The following PTPN23 variants were observed in gnomAD, a reference collection of about 807,000 sequenced individuals.
PTPN23 encodes protein tyrosine phosphatase non-receptor type 23.
A neutral mutation model predicts 156.3 loss-of-function variants in PTPN23; 72 were observed. The ratio of observed to expected loss-of-function variants is 0.46; its 90% confidence interval spans 0.38 to 0.56. The LOEUF (loss-of-function observed/expected upper bound fraction) is 0.56. Ranked by LOEUF, PTPN23 falls within the 20% of genes least tolerant of loss-of-function variation. PTPN23 has a pLI of 0.00. For synonymous variants in PTPN23, 957 were observed against 899.6 expected, an observed-to-expected ratio of 1.06 and a Z score of -1.14; for missense variants, 1,974 against 2,171.5, an observed-to-expected ratio of 0.91 and a Z score of 1.81.
intron 2 of PTPN23, among the ~76,000 whole-genome samples, chr3:47,398,412 T>A (rs942373742): frequency 2.0e-5 from 3 of 151,956 alleles, no homozygotes; most frequent in African/African-American, 7.3e-5. Context: ...AAAGAAAAAA[T>A]TCTTGAAGGA....
At chr3:47,383,047 T>A (rs960508596) in intron 1 of PTPN23, among the ~76,000 whole-genome samples, 2 of 152,190 alleles carry the variant, frequency 1.3e-5, no homozygotes, top group Admixed American at 1.3e-4. Context: ...AGACGGAGTC[T>A]TGGAATAGAG....
chr3:47,410,153 CTA>C lies in PTPN23; in HGVS notation c.2357_2358del (p.Tyr786SerfsTer100). 1 of 1,593,408 alleles carries C rather than the reference CTA, an allele frequency of 6.3e-7. No homozygotes were observed. Among genetic ancestry groups the C allele is most frequent in the Non-Finnish European group, 8.6e-7 (1 of 1,168,592 alleles). Reference protein sequence around the residue: ...FPSSTGPGPHYLSGPLPPGTY... With the variant: ...FPSSTGPGPHXLSGPLPPGTY... ...CCAGCTCCACAGGCCCAGGACCCCA[CTA>C]TCTCTCAGGCCCCTTGCCCCCTGGT... is the stretch of plus-strand genomic sequence containing the variant. On this transcript the variant is annotated frameshift_variant, in exon 20 of 25. Coordinates refer to ENST00000265562, the MANE Select transcript of PTPN23 (RefSeq NM_015466.4). LOFTEE classifies it high-confidence loss of function.
intron 1 of PTPN23, among the ~76,000 whole-genome samples, chr3:47,393,664 CTT>C (rs1704820457): frequency 6.6e-6 from 1 of 152,146 alleles, no homozygotes; most frequent in Non-Finnish European, 1.5e-5. Context: ...TTTCCCCTAT[CTT>C]TTATGACTTT....
Position 47,410,684 on chromosome 3 carries a change from T to A in PTPN23, c.2886T>A (p.His962Gln). ...AGCCCCAGCCCCATCCTCAGCCCCA[T>A]CCTTCACAAGCGTTTGGGCCTCAGC... Reference protein sequence around the residue: ...GPQPQPHPQPHPSQAFGPQPP... With the variant: ...GPQPQPHPQPQPSQAFGPQPP... The change falls in exon 20 of 25, where the codon CAT becomes CAA. Residue 962 changes from histidine (H) to glutamine (Q), a missense_variant. Physicochemically the swap from His to Gln is conservative, Grantham distance 24. Transcript: ENST00000265562. 6.2e-7 allele frequency: 1 copy of A among 1,600,430 alleles called. No individual in the cohort carries two copies.
chr3:47,381,062 G>A lies in PTPN23; in HGVS notation c.-35G>A. Reference sequence around the variant, plus strand: ...CTGAGCCAGCAGCTGCAGCAGCTACGGGAGTGGCCGGGTGGCCGGCGGGTG... The same window carrying A: ...CTGAGCCAGCAGCTGCAGCAGCTACAGGAGTGGCCGGGTGGCCGGCGGGTG... On this transcript the variant is annotated 5_prime_UTR_variant, in exon 1 of 25. Transcript: ENST00000265562. The A allele has an allele frequency of 2.6e-6, 4 of 1,554,590 alleles. No homozygotes were observed. The highest frequency in any genetic ancestry group is 1.7e-6 in the Non-Finnish European group (2 of 1,149,392).
rs71098482 is a variant in PTPN23, at chr3:47,382,680, C to CTTTTT, written c.84+1522_84+1526dup. Among the ~76,000 whole-genome samples the CTTTTT allele has an allele frequency of 5.0e-3, 294 of 58,656 alleles. 2 individuals carry two copies. The highest frequency in any genetic ancestry group is 5.7e-3 in the African/African-American group (98 of 17,082). The allele number at this position is 58,656 out of a possible 152,430, so 38.5% of individuals were successfully genotyped here. A position where few individuals can be genotyped will look rare whatever the true frequency, so the allele number is the denominator to read the frequency against. The stretch of plus-strand genomic sequence containing the variant: ...AGAACTCCTGTTTTCTTTTTCTTTT[C>CTTTTT]TTTTTTTTTTTTTTTTTTTTTTTTT... On this transcript the variant is annotated intron_variant, in intron 1 of 24. Transcript: ENST00000265562.
At chr3:47,408,250 CAGAT>C (rs1705176938) in intron 14 of PTPN23, 91 bp from the exon 15 acceptor site, 4 of 1,524,536 alleles carry the variant, frequency 2.6e-6, no homozygotes, top group Non-Finnish European at 3.6e-6. Context: ...GCTGAGACCT[CAGAT>C]TGAGTGGTGA....
At position 47,411,144 on chromosome 3, in the gene PTPN23, G is replaced by T; in HGVS notation, c.3346G>T (p.Ala1116Ser). Residue 1116 changes from alanine (A) to serine (S), a missense_variant, in exon 20 of 25, where the codon GCT becomes TCT. Ala to Ser is a moderately conservative substitution (Grantham distance 99). Around this residue, in one of 4 missense-constraint regions of PTPN23, gnomAD observed 731 missense variants for 669.1 expected, o/e 1.09. Transcript: ENST00000265562. This position sits in a 1 kb window ranked among gnomAD's most constrained non-coding sequence, Gnocchi z 6.3. ...PPPCLRRGAA[A>S]ADLLSSSPES... is the part of the protein sequence containing the mutation. ...CCCTTGCCTGCGCCGAGGCGCCGCA[G>T]CTGCAGACCTGCTCTCCTCCAGCCC... The T allele has an allele frequency of 6.2e-7, 1 of 1,601,524 alleles. No homozygotes were observed. The highest frequency in any genetic ancestry group is 2.3e-5 in the East Asian group (1 of 44,036).
Position 47,411,165 on chromosome 3 carries a change from A to G in PTPN23, c.3367A>G (p.Ser1123Gly). 1 of 1,601,834 alleles carries G rather than the reference A, an allele frequency of 6.2e-7. No individual in the cohort carries two copies. Among genetic ancestry groups the G allele is most frequent in the Non-Finnish European group, 8.5e-7 (1 of 1,176,146 alleles). The change falls in exon 20 of 25, where the codon AGC becomes GGC. Residue 1123 changes from serine to glycine, a missense_variant. Physicochemically the swap from Ser to Gly is moderately conservative, Grantham distance 56. Around this residue, in one of 4 missense-constraint regions of PTPN23, gnomAD observed 731 missense variants for 669.1 expected, o/e 1.09. Coordinates refer to ENST00000265562, the MANE Select transcript of PTPN23 (RefSeq NM_015466.4). The surrounding 1 kb of genome is among the most constrained non-coding windows in gnomAD (Gnocchi z 6.3). The part of the protein sequence containing the change: ...GAAAADLLSS[S>G]PESQHGGTQS... Reference sequence around the variant, plus strand: ...CGCAGCTGCAGACCTGCTCTCCTCCAGCCCGGAGAGCCAGCATGGCGGCAC... The same window carrying G: ...CGCAGCTGCAGACCTGCTCTCCTCCGGCCCGGAGAGCCAGCATGGCGGCAC...
At chr3:47,409,385 G>A in intron 17 of PTPN23, 32 bp from the exon 18 acceptor site, 2 of 1,613,794 alleles carry the variant, frequency 1.2e-6, no homozygotes, top group Non-Finnish European at 1.7e-6. Flanking sequence ...GAGGCCCTGA[G>A]TGTCCGTCCC....
chr3:47,381,142 G>A lies in PTPN23; in HGVS notation c.46G>A (p.Glu16Lys). ...GCCCATGATCTGGCTGGACCTGAAG[G>A]AGGCCGGTGACTTTCACTTCCAGCC... is the stretch of plus-strand genomic sequence containing the variant. ...RMPMIWLDLK[E>K]AGDFHFQPAV... Residue 16 changes from glutamate to lysine, a missense_variant, in exon 1 of 25, where the codon GAG becomes AAG. This residue lies in a region of PTPN23 where 726 missense variants were observed against 929.5 expected (regional missense o/e 0.78). Coordinates refer to ENST00000265562, the MANE Select transcript of PTPN23 (RefSeq NM_015466.4). The A allele has an allele frequency of 1.3e-6, 2 of 1,593,524 alleles. No individual in the cohort carries two copies. The highest frequency in any genetic ancestry group is 8.5e-7 in the Non-Finnish European group (1 of 1,170,610).
At position 47,407,691 on chromosome 3, in the gene PTPN23, C is replaced by A. The variant is rs1242466069; in HGVS notation, c.1004-6C>A. 3 of 1,612,268 alleles carry A rather than the reference C, an allele frequency of 1.9e-6. No homozygotes were observed. Among genetic ancestry groups the A allele is most frequent in the South Asian group, 2.2e-5 (2 of 91,042 alleles). On this transcript the variant is annotated splice_region_variant and splice_polypyrimidine_tract_variant and intron_variant, in intron 12 of 24. Coordinates refer to ENST00000265562, the MANE Select transcript of PTPN23 (RefSeq NM_015466.4). The surrounding 1 kb of genome is among the most constrained non-coding windows in gnomAD (Gnocchi z 4.0). ...GGCCTGATCTCCACAATTCCCACCC[C>A]CCCAGGAGCCCCCTTGGTGAAGCCC...
In PTPN23 at chr3:47,409,439, A is replaced by G. The variant is rs1490694129; in HGVS notation, c.1820A>G (p.Lys607Arg). Residue 607 changes from lysine to arginine, a missense_variant, in exon 18 of 25, where the codon AAA becomes AGA. Lys to Arg is a conservative substitution (Grantham distance 26). Transcript: ENST00000265562. ...EMKKLFEEQLKKYDQLKVYLE... is the reference protein window; with the variant it reads ...EMKKLFEEQLRKYDQLKVYLE... Reference sequence around the variant, plus strand: ...CAGAAGTTGTTCGAGGAGCAGCTGAAAAAGTATGACCAGCTGAAGGTGTAC... The same window carrying G: ...CAGAAGTTGTTCGAGGAGCAGCTGAGAAAGTATGACCAGCTGAAGGTGTAC... The G allele has an allele frequency of 2.5e-6, 4 of 1,614,048 alleles. No individual in the cohort carries two copies. The highest frequency in any genetic ancestry group is 3.4e-6 in the Non-Finnish European group (4 of 1,180,032).
chr3:47,412,672 G>A, intron 24 of PTPN23, 34 bp from the exon 25 acceptor site: 1 of 1,602,460 alleles, frequency 6.2e-7, no homozygotes, highest in Non-Finnish European at 8.5e-7. Context: ...CACAGCCTTG[G>A]GACTCCCTCT....
chr3:47,385,348 T>A (rs1704631187), intron 1 of PTPN23, among the ~76,000 whole-genome samples: 1 of 152,166 alleles, frequency 6.6e-6, no homozygotes, highest in African/African-American at 2.4e-5. Flanking sequence ...ATTGAGTGCC[T>A]GTCATGTGCC....
intron 2 of PTPN23, among the ~76,000 whole-genome samples, chr3:47,400,463 TGCATTCTTG>T (rs1467394040): frequency 6.6e-6 from 1 of 152,266 alleles, no homozygotes; most frequent in Non-Finnish European, 1.5e-5. Context: ...CACAGGGGGC[TGCATTCTTG>T]GGTGGATTAA....
Position 47,413,076 on chromosome 3 carries a change from G to A in PTPN23, c.4802G>A (p.Ser1601Asn). ...TCCCTGCGGGGCAAACAGCGGATGAGCAAGCATAACTTTCTGCAGGCCCAT... is the reference window on the plus strand; with the variant it reads ...TCCCTGCGGGGCAAACAGCGGATGAACAAGCATAACTTTCTGCAGGCCCAT... ...DSSLRGKQRMSKHNFLQAHNG... is the reference protein window; with the variant it reads ...DSSLRGKQRMNKHNFLQAHNG... The change falls in exon 25 of 25, where the codon AGC becomes AAC. Residue 1601 changes from serine (S) to asparagine (N), a missense_variant. Physicochemically the swap from Ser to Asn is conservative, Grantham distance 46. Transcript: ENST00000265562. The A allele has an allele frequency of 3.1e-6, 5 of 1,612,938 alleles. No individual in the cohort carries two copies. Among genetic ancestry groups the A allele is most frequent in the Non-Finnish European group, 4.2e-6 (5 of 1,180,030 alleles).
Position 47,381,251 on chromosome 3 carries a change from C to G in PTPN23, c.84+71C>G, listed in dbSNP as rs554054057. ...TCGTCTGCAAGCGCGTGACGCCCCC[C>G]TGCGCGCCCATCACCTCCTCAGGCC... On this transcript the variant is annotated intron_variant, in intron 1 of 24. Transcript: ENST00000265562. 6.8e-4 allele frequency: 1,038 copies of G among 1,537,600 alleles called. 1 individual carries two copies. The highest frequency in any genetic ancestry group is 8.4e-4 in the Non-Finnish European group (955 of 1,137,116).
chr3:47,390,114 C>T (rs1308388501), intron 1 of PTPN23, among the ~76,000 whole-genome samples: 1 of 151,416 alleles, frequency 6.6e-6, no homozygotes, highest in Non-Finnish European at 1.5e-5. Context: ...TGGTGGCACA[C>T]AGCTGTAGTC....
Sources: allele counts gnomAD v4.1 joint callset (sites outside exome capture counted in the v4.1 genomes callset), GRCh38; gene constraint gnomAD v4.1.1; regional missense constraint gnomAD v4.1.1; non-coding constraint Gnocchi (gnomAD v3.1); transcripts MANE v1.5; gene names NCBI Gene and HGNC (gene_info 2026-07-23, HGNC 2026-07-21).